Variants in AMER3 observed in about 807,000 individuals in gnomAD.
The protein encoded by AMER3 is APC membrane recruitment protein 3.
For missense variants in AMER3, 1,201 were observed against 1,139.4 expected (o/e 1.05, Z -0.78); for synonymous variants, 541 against 485.5 (o/e 1.11, Z -1.50).
chr2:130,763,016 G>A lies in AMER3; in HGVS notation c.944G>A (p.Arg315His), dbSNP rs371270046. The A allele has an allele frequency of 1.2e-6, 2 of 1,613,218 alleles. No homozygotes were observed. The highest frequency in any genetic ancestry group is 2.2e-5 in the East Asian group (1 of 44,820). Residue 315 changes from arginine (R) to histidine (H), a missense_variant, in exon 2 of 2, where the codon CGC (arginine) becomes CAC (histidine). Physicochemically the swap from Arg to His is conservative, Grantham distance 29. Coordinates refer to ENST00000321420, the MANE Select transcript of AMER3 (RefSeq NM_152698.3). Reference protein sequence around the residue: ...DFTRFWDSVNRSVRQQQRALL... With the variant: ...DFTRFWDSVNHSVRQQQRALL... ...ACCAGGTTCTGGGACAGTGTGAATC[G>A]CTCAGTGCGTCAGCAGCAGCGTGCC... is the stretch of plus-strand genomic sequence containing the variant.
intron 1 of AMER3, among the ~76,000 whole-genome samples, chr2:130,761,312 C>T (rs1408338230): frequency 6.6e-6 from 1 of 152,200 alleles, no homozygotes; most frequent in Admixed American, 6.5e-5. Flanking sequence ...TCAGACCAGG[C>T]ATCAGAAACC....
chr2:130,764,890 G>C lies in AMER3; in HGVS notation c.*232G>C. Reference sequence around the variant, plus strand: ...AGCGCGAAGCTGCAACCACCTAGCTGCTCCTCATGCAGGGGCTGGAGAGAG... The same window carrying C: ...AGCGCGAAGCTGCAACCACCTAGCTCCTCCTCATGCAGGGGCTGGAGAGAG... On this transcript the variant is annotated 3_prime_UTR_variant, in exon 2 of 2. Coordinates refer to ENST00000321420, the MANE Select transcript of AMER3 (RefSeq NM_152698.3). 1 of 563,180 alleles carries C rather than the reference G, an allele frequency of 1.8e-6. No homozygotes were observed. Among genetic ancestry groups the C allele is most frequent in the Non-Finnish European group, 3.2e-6 (1 of 312,012 alleles). The allele number at this position is 563,180 out of a possible 1,614,324, so 34.9% of individuals were successfully genotyped here. A position where few individuals can be genotyped will look rare whatever the true frequency, so the allele number is the denominator to read the frequency against.
chr2:130,759,828 T>C (rs1678723550), intron 1 of AMER3, among the ~76,000 whole-genome samples: 1 of 152,216 alleles, frequency 6.6e-6, no homozygotes, highest in African/African-American at 2.4e-5. Flanking sequence ...TTTCTGAATC[T>C]GAATTTATCC....
In AMER3 at chr2:130,766,689, GT is replaced by G; in HGVS notation, c.*2035del. On this transcript the variant is annotated 3_prime_UTR_variant, in exon 2 of 2. Transcript: ENST00000321420. The stretch of plus-strand genomic sequence containing the variant: ...TTTTTCTATTTTTTTGTAGAGACGG[GT>G]TTTCGCCATGTTGCCTCAGCTAAAA... The G allele has an allele frequency of 6.4e-6, 1 of 155,686 alleles. No homozygotes were observed. The allele number at this position is 155,686 out of a possible 1,614,324, so 9.6% of individuals were successfully genotyped here. A position where few individuals can be genotyped will look rare whatever the true frequency, so the allele number is the denominator to read the frequency against.
intron 1 of AMER3, among the ~76,000 whole-genome samples, chr2:130,761,015 G>A (rs1329357059): frequency 2.0e-5 from 3 of 152,046 alleles, no homozygotes; most frequent in African/African-American, 7.2e-5. Flanking sequence ...GCCGCCATCT[G>A]CCTTGCTCCC....
At position 130,767,541 on chromosome 2, in the gene AMER3, G is replaced by T. The variant is rs914746011; in HGVS notation, c.*2883G>T. ...GTCTCCGGTGGCCCTCTCTCACCAG[G>T]GCTCCCTGAGGCCTGCTGCAAGCAG... On this transcript the variant is annotated 3_prime_UTR_variant, in exon 2 of 2. Transcript: ENST00000321420. The T allele has an allele frequency of 3.0e-5, 5 of 166,958 alleles. No homozygotes were observed. The highest frequency in any genetic ancestry group is 7.3e-5 in the Non-Finnish European group (5 of 68,144). 10.3% of individuals were successfully genotyped at this position (166,958 alleles called of 1,614,324 possible). A position where few individuals can be genotyped will look rare whatever the true frequency, so the allele number is the denominator to read the frequency against.
intron 1 of AMER3, among the ~76,000 whole-genome samples, chr2:130,758,342 C>G (rs777508676): frequency 1.4e-5 from 2 of 145,454 alleles, no homozygotes; most frequent in Non-Finnish European, 3.0e-5. Flanking sequence ...CAAGCCTGGG[C>G]AACAGAGGGA....
At position 130,762,494 on chromosome 2, in the gene AMER3, C is replaced by T; in HGVS notation, c.422C>T (p.Ala141Val). The change falls in exon 2 of 2, where the codon GCT becomes GTT. Residue 141 changes from alanine (A) to valine (V), a missense_variant. Transcript: ENST00000321420. Reference sequence around the variant, plus strand: ...GTGCCCCAGATGCCCTTTGTGCCAGCTGTGGCCAAGAGCATCCCGAGGAAG... The same window carrying T: ...GTGCCCCAGATGCCCTTTGTGCCAGTTGTGGCCAAGAGCATCCCGAGGAAG... ...HFVPQMPFVP[A>V]VAKSIPRKRI... 1 of 1,613,292 alleles carries T rather than the reference C, an allele frequency of 6.2e-7. No individual in the cohort carries two copies. The highest frequency in any genetic ancestry group is 8.5e-7 in the Non-Finnish European group (1 of 1,180,006).
At chr2:130,756,683 C>T (rs186825194) in intron 1 of AMER3, among the ~76,000 whole-genome samples, 1 of 152,268 alleles carries the variant, frequency 6.6e-6, no homozygotes, top group African/African-American at 2.4e-5. Context: ...CCAGGACCGC[C>T]CAGAGGCGCC....
chr2:130,766,474 C>G lies in AMER3; in HGVS notation c.*1816C>G, dbSNP rs534721172. The stretch of plus-strand genomic sequence containing the variant: ...AGGTGTAGAGGCATGGCACCAGCAT[C>G]TGCTGCTGCTTTTTTTTTTTTTTTT... On this transcript the variant is annotated 3_prime_UTR_variant, in exon 2 of 2. Coordinates refer to ENST00000321420, the MANE Select transcript of AMER3 (RefSeq NM_152698.3). The G allele has an allele frequency of 8.2e-5, 13 of 158,092 alleles. No homozygotes were observed. Among genetic ancestry groups the G allele is most frequent in the African/African-American group, 2.8e-4 (11 of 39,566 alleles). The allele number at this position is 158,092 out of a possible 1,614,324, so 9.8% of individuals were successfully genotyped here.
At position 130,764,020 on chromosome 2, in the gene AMER3, G is replaced by A; in HGVS notation, c.1948G>A (p.Val650Ile). 2 of 1,613,194 alleles carry A rather than the reference G, an allele frequency of 1.2e-6. No individual in the cohort carries two copies. Among genetic ancestry groups the A allele is most frequent in the Non-Finnish European group, 1.7e-6 (2 of 1,179,840 alleles). The change falls in exon 2 of 2, where the codon GTC (valine) becomes ATC (isoleucine). Residue 650 changes from valine to isoleucine, a missense_variant. By Grantham distance (29) the Val-to-Ile change is conservative. Coordinates refer to ENST00000321420, the MANE Select transcript of AMER3 (RefSeq NM_152698.3). ...CSQKEPGPPG[V>I]LGCFRGPWRP... ...CCAGAAGGAGCCTGGGCCACCAGGG[G>A]TCCTGGGGTGTTTCCGAGGCCCCTG...
In AMER3 at chr2:130,764,108, G is replaced by T. The variant is rs762569244; in HGVS notation, c.2036G>T (p.Arg679Leu). ...AEPMLAGCVARVAALKISSNE... is the reference protein window; with the variant it reads ...AEPMLAGCVALVAALKISSNE... ...CCCATGCTGGCAGGCTGTGTGGCCC[G>T]TGTGGCAGCCCTGAAGATCAGCTCA... The change falls in exon 2 of 2, where the codon CGT becomes CTT. Residue 679 changes from arginine to leucine, a missense_variant. Physicochemically the swap from Arg to Leu is moderately radical, Grantham distance 102. Transcript: ENST00000321420. The T allele has an allele frequency of 3.7e-6, 6 of 1,611,506 alleles. No homozygotes were observed. In the Admixed American group the frequency reaches 5.0e-5, roughly 14 times the overall value.
chr2:130,763,363 G>A lies in AMER3; in HGVS notation c.1291G>A (p.Glu431Lys), dbSNP rs746075297. The change falls in exon 2 of 2, where the codon GAG (glutamate) becomes AAG (lysine). Residue 431 changes from glutamate to lysine, a missense_variant. Physicochemically the swap from Glu to Lys is moderately conservative, Grantham distance 56. Transcript: ENST00000321420. ...CTACGAGCTCTTCCACGACCCCAGC[G>A]AGGGTCCTCTTGGCCCCAGCCCAGA... ...ALYELFHDPS[E>K]GPLGPSPDDD... The A allele has an allele frequency of 1.1e-5, 17 of 1,613,272 alleles. No homozygotes were observed. Among genetic ancestry groups the A allele is most frequent in the Admixed American group, 3.3e-5 (2 of 60,032 alleles).
At position 130,762,112 on chromosome 2, in the gene AMER3, C is replaced by G. The variant is rs767411101; in HGVS notation, c.40C>G (p.Leu14Val). The stretch of plus-strand genomic sequence containing the variant: ...AGGAAAGACCTTCATCAAGTCCAGC[C>G]TGCAGGTTTCCCACGAGAAACCCCC... ...KRGKTFIKSSLQVSHEKPPDP... is the reference protein window; with the variant it reads ...KRGKTFIKSSVQVSHEKPPDP... Residue 14 changes from leucine (L) to valine (V), a missense_variant, in exon 2 of 2, where the codon CTG (leucine) becomes GTG (valine). By Grantham distance (32) the Leu-to-Val change is conservative. Transcript: ENST00000321420. The G allele has an allele frequency of 2.0e-5, 32 of 1,611,330 alleles. No individual in the cohort carries two copies. Among genetic ancestry groups the G allele is most frequent in the Non-Finnish European group, 2.7e-5 (32 of 1,179,276 alleles).
At position 130,767,347 on chromosome 2, in the gene AMER3, G is replaced by A. The variant is rs1017501511; in HGVS notation, c.*2689G>A. 9.6e-5 allele frequency: 16 copies of A among 167,220 alleles called. No homozygotes were observed. Among genetic ancestry groups the A allele is most frequent in the African/African-American group, 3.6e-4 (15 of 41,462 alleles). 10.4% of individuals were successfully genotyped at this position (167,220 alleles called of 1,614,324 possible). ...CAGCACAGGAAAAGGGGTCAGTCAG[G>A]TCGCAGGCAAAGTGCTAGGGAAATC... On this transcript the variant is annotated 3_prime_UTR_variant, in exon 2 of 2. Transcript: ENST00000321420.
intron 1 of AMER3, among the ~76,000 whole-genome samples, chr2:130,757,160 A>G (rs1485454767): frequency 6.6e-6 from 1 of 152,224 alleles, no homozygotes; most frequent in Non-Finnish European, 1.5e-5. Flanking sequence ...AAAGGAAAAA[A>G]AAAGCCACGG....
intron 1 of AMER3, chr2:130,756,280 CGCGGCGCCG>C (rs370439109): frequency 0.047 from 7,012 of 149,130 alleles, 292 homozygotes; most frequent in East Asian, 0.19. Context: ...GGCCGCGGCG[CGCGGCGCCG>C]GGAGCTGACC....
rs199989036 is a variant in AMER3, at chr2:130,764,002, G to C, written c.1930G>C (p.Glu644Gln). 1.9e-6 allele frequency: 3 copies of C among 1,613,256 alleles called. No homozygotes were observed. In the East Asian group the frequency reaches 6.7e-5, roughly 36 times the overall value. Residue 644 changes from glutamate to glutamine, a missense_variant, in exon 2 of 2, where the codon GAG becomes CAG. By Grantham distance (29) the Glu-to-Gln change is conservative (BLOSUM62 2). Transcript: ENST00000321420. ...TTCTACCTGGCCCTGCTCCCAGAAG[G>C]AGCCTGGGCCACCAGGGGTCCTGGG... ...VPSTWPCSQKEPGPPGVLGCF... is the reference protein window; with the variant it reads ...VPSTWPCSQKQPGPPGVLGCF...
Position 130,762,437 on chromosome 2 carries a change from G to T in AMER3, c.365G>T (p.Gly122Val). 1 of 1,612,814 alleles carries T rather than the reference G, an allele frequency of 6.2e-7. No homozygotes were observed. The highest frequency in any genetic ancestry group is 8.5e-7 in the Non-Finnish European group (1 of 1,179,926). Residue 122 changes from glycine (G) to valine (V), a missense_variant, in exon 2 of 2, where the codon GGC becomes GTC. Coordinates refer to ENST00000321420, the MANE Select transcript of AMER3 (RefSeq NM_152698.3). The stretch of plus-strand genomic sequence containing the variant: ...AGTGCAAGCTTCCCGGGCTCCCCGG[G>T]CAGCCGGCGCATGATCGACTACCGC... ...VGSASFPGSP[G>V]SRRMIDYRHF...
Sources: allele counts gnomAD v4.1 joint callset (sites outside exome capture counted in the v4.1 genomes callset), GRCh38; gene constraint gnomAD v4.1.1; transcripts MANE v1.5; gene names NCBI Gene and HGNC (gene_info 2026-07-23, HGNC 2026-07-21).